The following COL21A1 variants were observed in gnomAD, a reference collection of about 807,000 sequenced individuals.
COL21A1 encodes collagen alpha-1(XXI) chain.
A neutral mutation model predicts 137.9 loss-of-function variants in COL21A1; 149 were observed. That is an observed-to-expected ratio of 1.08 (90% CI 0.95 to 1.24). COL21A1 has a LOEUF of 1.24. Ranked by LOEUF, COL21A1 falls within the 50% of genes most tolerant of loss-of-function variation. The pLI is 0.00. For synonymous variants in COL21A1, 456 were observed against 391.5 expected (o/e 1.16, Z -1.95); for missense variants, 1,167 against 1,158.4 (o/e 1.01, Z -0.11).
chr6:56,061,561 T>C (rs2114037867), intron 25 of COL21A1, 88 bp downstream of exon 25: 1 of 761,016 alleles, frequency 1.3e-6, no homozygotes, highest in Non-Finnish European at 2.0e-6. Flanking sequence ...TGGTTTTTAC[T>C]CAAAAGCTAG....
chr6:56,298,485 G>A (rs1239840728), intron 1 of COL21A1, among the ~76,000 whole-genome samples: 1 of 151,952 alleles, frequency 6.6e-6, no homozygotes, highest in African/African-American at 2.4e-5. Flanking sequence ...TGTTGTCTCT[G>A]TAACCTATAA....
At chr6:56,167,686 A>G (rs888921200) in intron 6 of COL21A1, among the ~76,000 whole-genome samples, 2 of 152,228 alleles carry the variant, frequency 1.3e-5, no homozygotes, top group Admixed American at 6.5e-5. Flanking sequence ...TGAACATACC[A>G]CAATTGCTTT....
chr6:56,254,020 T>C (rs1183546752), intron 1 of COL21A1, among the ~76,000 whole-genome samples: 8 of 152,188 alleles, frequency 5.3e-5, no homozygotes, highest in Non-Finnish European at 1.2e-4. Context: ...TACTTGGAGA[T>C]AATTATTCTA....
intron 1 of COL21A1, among the ~76,000 whole-genome samples, chr6:56,329,934 A>C (rs1765181135): frequency 1.3e-5 from 2 of 152,130 alleles, no homozygotes; most frequent in African/African-American, 4.8e-5. Flanking sequence ...GAAGACTCTT[A>C]CTAAGTTTTC....
intron 1 of COL21A1, among the ~76,000 whole-genome samples, chr6:56,275,038 A>T (rs937094167): frequency 1.3e-5 from 2 of 152,158 alleles, no homozygotes; most frequent in Non-Finnish European, 2.9e-5. Context: ...GGAACAGAAT[A>T]GAGAACCCAG....
chr6:56,250,938 A>T (rs1782839254), upstream of COL21A1, among the ~76,000 whole-genome samples: 1 of 152,176 alleles, frequency 6.6e-6, no homozygotes, highest in African/African-American at 2.4e-5. Context: ...TAAACTTCCC[A>T]ATGTTTGTTT....
chr6:56,218,741 A>C (rs1780640365), intron 1 of COL21A1, among the ~76,000 whole-genome samples: 1 of 152,114 alleles, frequency 6.6e-6, no homozygotes, highest in Non-Finnish European at 1.5e-5. Flanking sequence ...CAGCAGAGAC[A>C]ACTTGCAACA....
chr6:56,116,579 C>T (rs1771951102), intron 16 of COL21A1, among the ~76,000 whole-genome samples: 1 of 151,858 alleles, frequency 6.6e-6, no homozygotes, highest in Admixed American at 6.6e-5. Context: ...AAGAAAAGAA[C>T]ATTAATGAGC....
chr6:56,338,082 C>A (rs1765375720), intron 1 of COL21A1, among the ~76,000 whole-genome samples: 1 of 151,268 alleles, frequency 6.6e-6, no homozygotes, highest in Non-Finnish European at 1.5e-5. Flanking sequence ...CCTGCCTCAT[C>A]CTCCCAAGTA....
chr6:56,226,179 A>T (rs567383724), intron 1 of COL21A1, among the ~76,000 whole-genome samples: 1 of 152,170 alleles, frequency 6.6e-6, no homozygotes, highest in African/African-American at 2.4e-5. Context: ...GAGAAAAATA[A>T]GTGTAGGGCA....
intron 1 of COL21A1, among the ~76,000 whole-genome samples, chr6:56,187,014 A>C (rs1171392137): frequency 6.6e-6 from 1 of 152,266 alleles, no homozygotes; most frequent in African/African-American, 2.4e-5. Context: ...GACTTATGTC[A>C]GTCTGCTTTC....
intron 1 of COL21A1, among the ~76,000 whole-genome samples, chr6:56,337,889 G>T (rs978289464): frequency 1.3e-5 from 2 of 151,762 alleles, no homozygotes; most frequent in African/African-American, 4.8e-5. Flanking sequence ...TCACTGTAAT[G>T]CTCATCTCTT....
chr6:56,375,758 C>A (rs2093997907), intron 1 of COL21A1, among the ~76,000 whole-genome samples: 1 of 152,062 alleles, frequency 6.6e-6, no homozygotes, highest in South Asian at 2.1e-4. Flanking sequence ...CATTATTGAC[C>A]ACATGTGGCT....
At chr6:56,276,105 A>G (rs1763641846) in intron 1 of COL21A1, among the ~76,000 whole-genome samples, 1 of 152,210 alleles carries the variant, frequency 6.6e-6, no homozygotes, top group Admixed American at 6.5e-5. Context: ...ATCAGAGGCA[A>G]ATTAACACAG....
chr6:56,240,761 G>A (rs528717383), intron 1 of COL21A1, among the ~76,000 whole-genome samples: 331 of 152,256 alleles, frequency 2.2e-3, no homozygotes, highest in African/African-American at 7.5e-3. Flanking sequence ...TCAGTAAGTT[G>A]GTGGCAGGCT....
intron 16 of COL21A1, among the ~76,000 whole-genome samples, chr6:56,117,021 TGAAA>T (rs1307596856): frequency 1.3e-5 from 2 of 151,538 alleles, no homozygotes; most frequent in South Asian, 2.1e-4. Flanking sequence ...ACAATAGGAA[TGAAA>T]GAAAGAAGGA....
chr6:56,365,882 C>T (rs1157427432), intron 1 of COL21A1, among the ~76,000 whole-genome samples: 1 of 152,140 alleles, frequency 6.6e-6, no homozygotes, highest in Non-Finnish European at 1.5e-5. Context: ...GATTAAGATG[C>T]CACCTCAGTA....
chr6:56,344,512 CAT>C (rs1414588577), intron 1 of COL21A1, among the ~76,000 whole-genome samples: 2 of 152,104 alleles, frequency 1.3e-5, no homozygotes, highest in African/African-American at 4.8e-5. Flanking sequence ...AATGTATTAT[CAT>C]GTGTATATTT....
chr6:56,184,205 A>G (rs1778112857), intron 1 of COL21A1, among the ~76,000 whole-genome samples: 1 of 152,202 alleles, frequency 6.6e-6, no homozygotes. Flanking sequence ...CAAGCGAGAC[A>G]CAAAGTAAAT....
Sources: gnomAD v4.1 joint callset for allele counts (sites outside exome capture counted in the v4.1 genomes callset) on GRCh38, gnomAD v4.1.1 for gene constraint, MANE v1.5 for transcripts, NCBI Gene and HGNC (gene_info 2026-07-23, HGNC 2026-07-21) for gene names.